SYNM: variants seen among roughly 807,000 people sequenced by gnomAD.
SYNM encodes synemin.
SYNM carries 95 observed loss-of-function variants against 104.0 expected under a neutral mutation model. The ratio of observed to expected loss-of-function variants is 0.91; its 90% CI spans 0.77 to 1.08. SYNM has a LOEUF of 1.08. Ranked by LOEUF, SYNM falls within the 50% of genes least tolerant of loss-of-function variation. SYNM has a pLI of 0.00. For missense variants in SYNM, 2,150 were observed against 2,052.2 expected (o/e 1.05, Z -0.92); for synonymous variants, 918 against 869.0 (o/e 1.06, Z -0.99).
rs1485644246 is a variant in SYNM at position 99,130,369 on chromosome 15, AC to A, written c.2010del (p.Tyr670Ter). On this transcript the variant is annotated frameshift_variant, in exon 4 of 4. Coordinates refer to ENST00000336292, the MANE Select transcript of SYNM (RefSeq NM_145728.3). LOFTEE classifies it high-confidence loss of function. The stretch of plus-strand genomic sequence containing the variant: ...TCTTTTCCAGACACAAAAGTCACTT[AC>A]GTGGACAGGAAAGAGCTTCCTGGGG... ...ADSFPDTKVT[Y>X]VDRKELPGER... is the part of the protein sequence containing the mutation. The A allele has an allele frequency of 6.2e-7, 1 of 1,613,782 alleles. No homozygotes were observed. Among genetic ancestry groups the A allele is most frequent in the South Asian group, 1.1e-5 (1 of 91,034 alleles).
chr15:99,119,190 G>A (rs1269649509), intron 2 of SYNM, among the ~76,000 whole-genome samples: 1 of 152,216 alleles, frequency 6.6e-6, no homozygotes. Context: ...TGAGGTTAGT[G>A]ACAGGTGGAA....
chr15:99,119,573 G>T (rs2067381136), intron 2 of SYNM, among the ~76,000 whole-genome samples: 1 of 152,198 alleles, frequency 6.6e-6, no homozygotes. Flanking sequence ...GCTTGCAGTT[G>T]CATGCGGCAG....
chr15:99,134,036 G>A lies in SYNM; in HGVS notation c.*978G>A, dbSNP rs2067539683. 1 of 152,172 alleles carries A rather than the reference G, an allele frequency of 6.6e-6. No individual in the cohort carries two copies. The allele number at this position is 152,172 out of a possible 1,614,324, so 9.4% of individuals were successfully genotyped here. On this transcript the variant is annotated 3_prime_UTR_variant, in exon 4 of 4. Transcript: ENST00000336292. Reference sequence around the variant, plus strand: ...AAATTGGAAGCACACAGTGGACTGTGCCTCTTAAAGATGCCTTTCCCAACC... The same window carrying A: ...AAATTGGAAGCACACAGTGGACTGTACCTCTTAAAGATGCCTTTCCCAACC...
Position 99,105,857 on chromosome 15 carries a change from A to G in SYNM, c.658A>G (p.Arg220Gly), listed in dbSNP as rs1555482627. 1.9e-6 allele frequency: 3 copies of G among 1,541,522 alleles called. No individual in the cohort carries two copies. Among genetic ancestry groups the G allele is most frequent in the South Asian group, 2.4e-5 (2 of 83,548 alleles). The change falls in exon 1 of 4, where the codon AGA becomes GGA. Residue 220 changes from arginine (R) to glycine (G), a missense_variant. By Grantham distance (125) the Arg-to-Gly change is moderately radical. Transcript: ENST00000336292. Reference protein sequence around the residue: ...EEALRRGQESRLQAEEETRLC... With the variant: ...EEALRRGQESGLQAEEETRLC... Reference sequence around the variant, plus strand: ...GGCGCTGCGGCGCGGCCAGGAGAGCAGACTCCAGGCGGAGGAAGAGACGCG... The same window carrying G: ...GGCGCTGCGGCGCGGCCAGGAGAGCGGACTCCAGGCGGAGGAAGAGACGCG...
downstream of SYNM, chr15:99,139,231 C>T: frequency 8.6e-6 from 13 of 1,517,308 alleles, no homozygotes; most frequent in Non-Finnish European, 1.1e-5. Flanking sequence ...GAGAAGGTTA[C>T]ACAGAACCTT....
At chr15:99,106,075 A>G in intron 1 of SYNM, 66 bp downstream of exon 1, 4 of 1,343,112 alleles carry the variant, frequency 3.0e-6, no homozygotes, top group Non-Finnish European at 3.8e-6. Context: ...CCTGCCCTTG[A>G]CGGCGTGGGG....
chr15:99,109,095 G>A (rs2067276405), intron 1 of SYNM, among the ~76,000 whole-genome samples: 1 of 152,204 alleles, frequency 6.6e-6, no homozygotes, highest in Non-Finnish European at 1.5e-5. Context: ...TATAGCTTCT[G>A]TGGCTCAAGG....
At chr15:99,113,979 A>G (rs1355512980) in intron 2 of SYNM, among the ~76,000 whole-genome samples, 1 of 151,972 alleles carries the variant, frequency 6.6e-6, no homozygotes, top group Non-Finnish European at 1.5e-5. Context: ...TGTTCTGGGG[A>G]CTGCTGAAGA....
chr15:99,105,959 G>T lies in SYNM; in HGVS notation c.760G>T (p.Ala254Ser). The T allele has an allele frequency of 4.6e-6, 7 of 1,518,048 alleles. No homozygotes were observed. Among genetic ancestry groups the T allele is most frequent in the South Asian group, 1.2e-5 (1 of 81,130 alleles). The allele number at this position is 1,518,048 out of a possible 1,614,324, so 94.0% of individuals were successfully genotyped here. A position where few individuals can be genotyped will look rare whatever the true frequency, so the allele number is the denominator to read the frequency against. The stretch of plus-strand genomic sequence containing the variant: ...GCAGCTGCGCGCGCGGCTGGAGGAC[G>T]CGCTGCTGCGGATGCGCGAGGAGTA... ...LEQLRARLED[A>S]LLRMREEYGI... The change falls in exon 1 of 4, where the codon GCG becomes TCG. Residue 254 changes from alanine to serine, a missense_variant. Transcript: ENST00000336292.
downstream of SYNM, among the ~76,000 whole-genome samples, chr15:99,135,852 A>C (rs1388488380): frequency 7.9e-5 from 12 of 152,370 alleles, no homozygotes; most frequent in Admixed American, 7.2e-4. Flanking sequence ...ATTTGTGGTA[A>C]AAATGTCATC....
chr15:99,129,785 CCGAGA>C lies in SYNM; in HGVS notation c.1427_1431del (p.Arg476GlnfsTer14). 6.2e-7 allele frequency: 1 copy of C among 1,613,414 alleles called. No individual in the cohort carries two copies. Among genetic ancestry groups the C allele is most frequent in the Non-Finnish European group, 8.5e-7 (1 of 1,179,674 alleles). ...TTGCCCGCGAGTCGTACCGGGATCG[CCGAGA>C]CAAGGTGGCAGCAGGTGCTTCGGAA... On this transcript the variant is annotated frameshift_variant, in exon 4 of 4. Transcript: ENST00000336292. LOFTEE classifies it low-confidence loss of function (END_TRUNC).
chr15:99,112,084 G>T (rs2067304575), intron 1 of SYNM, among the ~76,000 whole-genome samples: 1 of 152,186 alleles, frequency 6.6e-6, no homozygotes, highest in Non-Finnish European at 1.5e-5. Flanking sequence ...TAAATTCCAT[G>T]TGCAATCTTG....
chr15:99,132,921 A>G lies in SYNM; in HGVS notation c.4561A>G (p.Lys1521Glu). 1 of 1,613,988 alleles carries G rather than the reference A, an allele frequency of 6.2e-7. No homozygotes were observed. The highest frequency in any genetic ancestry group is 8.5e-7 in the Non-Finnish European group (1 of 1,179,880). The change falls in exon 4 of 4, where the codon AAG becomes GAG. Residue 1521 changes from lysine (K) to glutamate (E), a missense_variant. Lys to Glu is a moderately conservative substitution (Grantham distance 56, BLOSUM62 1). Transcript: ENST00000336292. Reference protein sequence around the residue: ...EGDQAHREQGKEQAMFDKKVQ... With the variant: ...EGDQAHREQGEEQAMFDKKVQ... ...AGACCAGGCCCACAGAGAACAGGGC[A>G]AGGAGCAGGCCATGTTTGATAAGAA... is the stretch of plus-strand genomic sequence containing the variant.
intron 2 of SYNM, among the ~76,000 whole-genome samples, chr15:99,115,676 G>C (rs1192842462): frequency 6.6e-6 from 1 of 151,914 alleles, no homozygotes; most frequent in African/African-American, 2.4e-5. Context: ...TGGTCAGGCT[G>C]GTCTCGAACT....
rs754559845 is a variant in SYNM, at chr15:99,130,240, G to A, written c.1880G>A (p.Gly627Asp). The change falls in exon 4 of 4, where the codon GGT (glycine) becomes GAT (aspartate). Residue 627 changes from glycine to aspartate, a missense_variant. By Grantham distance (94) the Gly-to-Asp change is moderately conservative. Coordinates refer to ENST00000336292, the MANE Select transcript of SYNM (RefSeq NM_145728.3). The stretch of plus-strand genomic sequence containing the variant: ...AGGTTGGGCACCAGTGATGCCACTG[G>A]TTCTCTGCAAGGCGATTCCATGACA... ...RFRLGTSDAT[G>D]SLQGDSMTET... 2 of 1,613,988 alleles carry A rather than the reference G, an allele frequency of 1.2e-6. No homozygotes were observed. The highest frequency in any genetic ancestry group is 1.3e-5 in the African/African-American group (1 of 75,040).
chr15:99,121,113 C>T (rs1180618720), intron 2 of SYNM, among the ~76,000 whole-genome samples: 11 of 152,042 alleles, frequency 7.2e-5, no homozygotes, highest in African/African-American at 2.2e-4. Context: ...GAAGGAGCTC[C>T]GGGTGGGCAA....
downstream of SYNM, chr15:99,139,621 T>C (rs2067985791): frequency 6.6e-7 from 1 of 1,516,532 alleles, no homozygotes; most frequent in African/African-American, 1.4e-5. Flanking sequence ...CAAAACTCTC[T>C]GTGACTATCT....
At position 99,130,649 on chromosome 15, in the gene SYNM, G is replaced by C; in HGVS notation, c.2289G>C (p.Glu763Asp). 3.7e-6 allele frequency: 6 copies of C among 1,613,738 alleles called. No individual in the cohort carries two copies. Among genetic ancestry groups the C allele is most frequent in the Non-Finnish European group, 5.1e-6 (6 of 1,179,766 alleles). Residue 763 changes from glutamate to aspartate, a missense_variant, in exon 4 of 4, where the codon GAG (glutamate) becomes GAC (aspartate). By Grantham distance (45) the Glu-to-Asp change is conservative. Transcript: ENST00000336292. ...ATGTCAGCGGGGAGAAGCCGGAGGAGTTTTCCGTCCCATTCAAAGTGGAGG... is the reference window on the plus strand; with the variant it reads ...ATGTCAGCGGGGAGAAGCCGGAGGACTTTTCCGTCCCATTCAAAGTGGAGG... ...VSYVSGEKPE[E>D]FSVPFKVEEV...
intron 2 of SYNM, 85 bp from the exon 3 acceptor site, chr15:99,126,637 G>T: frequency 2.3e-6 from 3 of 1,293,186 alleles, no homozygotes; most frequent in Non-Finnish European, 3.3e-6. Flanking sequence ...TATGGTCATT[G>T]GCCGCATACC....
Sources: gnomAD v4.1 joint callset for allele counts (sites outside exome capture counted in the v4.1 genomes callset) on GRCh38, gnomAD v4.1.1 for gene constraint, MANE v1.5 for transcripts, NCBI Gene and HGNC (gene_info 2026-07-23, HGNC 2026-07-21) for gene names.